Variants in RALGPS2 observed in about 807,000 individuals in gnomAD.
RALGPS2 encodes Ral GEF with PH domain and SH3 binding motif 2.
Under a neutral mutation model 86.8 loss-of-function variants are expected in RALGPS2, and 43 were observed. The ratio of observed to expected loss-of-function variants is 0.50; its 90% CI spans 0.39 to 0.64. The LOEUF is 0.64. Among genes scored for constraint, RALGPS2 ranks in the 30% least tolerant of loss-of-function variants. RALGPS2 has a pLI of 0.00. For missense variants in RALGPS2, 536 were observed against 694.6 expected, an observed-to-expected ratio of 0.77 and a Z score of 2.57; for synonymous variants, 243 against 231.3, an observed-to-expected ratio of 1.05 and a Z score of -0.46.
At chr1:178,808,173 A>C (rs1654825413) in intron 5 of RALGPS2, 45 bp downstream of exon 5, 1 of 1,237,080 alleles carries the variant, frequency 8.1e-7, no homozygotes, top group Non-Finnish European at 1.2e-6. Context: ...TCAGTTCCTC[A>C]ATATATACTT....
At chr1:178,783,517 T>TA (rs1174194016) in intron 2 of RALGPS2, among the ~76,000 whole-genome samples, 1 of 152,214 alleles carries the variant, frequency 6.6e-6, no homozygotes, top group Non-Finnish European at 1.5e-5. Context: ...CGTGGCTCGA[T>TA]ACTTCGTATT....
intron 1 of RALGPS2, among the ~76,000 whole-genome samples, chr1:178,772,762 A>G (rs561566096): frequency 6.6e-6 from 1 of 152,204 alleles, no homozygotes; most frequent in Non-Finnish European, 1.5e-5. Context: ...TATTGACTGA[A>G]GGCAAAACAA....
intron 16 of RALGPS2, among the ~76,000 whole-genome samples, chr1:178,897,251 C>T (rs1167672011): frequency 2.6e-5 from 4 of 151,978 alleles, no homozygotes; most frequent in Non-Finnish European, 5.9e-5. Flanking sequence ...CATCTCACAC[C>T]AGTTAGAATG....
chr1:178,867,728 A>G (rs1247808523), intron 8 of RALGPS2, among the ~76,000 whole-genome samples: 2 of 151,876 alleles, frequency 1.3e-5, no homozygotes, highest in Non-Finnish European at 2.9e-5. Flanking sequence ...TCATTTTTTT[A>G]CATCTCAGAC....
At chr1:178,859,724 A>G (rs1336261931) in intron 8 of RALGPS2, among the ~76,000 whole-genome samples, 112 of 88,866 alleles carry the variant, frequency 1.3e-3, no homozygotes, top group African/African-American at 4.4e-3. Context: ...TTTGAGACGG[A>G]GTCTCGCTCT....
intron 1 of RALGPS2, among the ~76,000 whole-genome samples, chr1:178,763,938 G>A (rs891614547): frequency 6.6e-6 from 1 of 151,862 alleles, no homozygotes; most frequent in Non-Finnish European, 1.5e-5. Context: ...TAAAGTATGT[G>A]CCTTGTTCAG....
At chr1:178,852,650 A>G (rs1657250752) in intron 8 of RALGPS2, 3 of 1,588,042 alleles carry the variant, frequency 1.9e-6, no homozygotes, top group South Asian at 2.3e-5. Flanking sequence ...GAAGGTGATG[A>G]TTCTACAAAG....
chr1:178,860,065 A>G (rs1024994617), intron 8 of RALGPS2, among the ~76,000 whole-genome samples: 5 of 152,072 alleles, frequency 3.3e-5, no homozygotes, highest in African/African-American at 1.2e-4. Flanking sequence ...GCTTTGCCAG[A>G]ATCCAAGTTT....
At chr1:178,839,571 G>A (rs927852901) in intron 8 of RALGPS2, among the ~76,000 whole-genome samples, 6 of 151,968 alleles carry the variant, frequency 3.9e-5, no homozygotes, top group South Asian at 2.1e-4. Context: ...CCAAATTGTA[G>A]AGACCATTGA....
At chr1:178,878,543 A>C (rs1252595742) in intron 9 of RALGPS2, among the ~76,000 whole-genome samples, 1 of 152,126 alleles carries the variant, frequency 6.6e-6, no homozygotes, top group African/African-American at 2.4e-5. Context: ...AGGGGAGGAG[A>C]TAAACCACAT....
Position 178,886,472 on chromosome 1 carries a change from A to G in RALGPS2, c.1192+352A>G, listed in dbSNP as rs546889162. Among the ~76,000 whole-genome samples the G allele has an allele frequency of 5.4e-4, 83 of 152,344 alleles. 1 individual carries two copies. Among genetic ancestry groups the G allele is most frequent in the South Asian group, 3.3e-3 (16 of 4,830 alleles). ...TAGTTAGATGATGATGCTATTACCA[A>G]GGTAGAGAAGACAGAGTAATAATCT... On this transcript the variant is annotated intron_variant, in intron 13 of 19. Coordinates refer to ENST00000367635, the MANE Select transcript of RALGPS2 (RefSeq NM_152663.5).
In RALGPS2 at chr1:178,873,748, T is replaced by C. The variant is rs191834450; in HGVS notation, c.608-3750T>C. On this transcript the variant is annotated intron_variant, in intron 8 of 19. Coordinates refer to ENST00000367635, the MANE Select transcript of RALGPS2 (RefSeq NM_152663.5). Reference sequence around the variant, plus strand: ...GAGTTACAATTGTCACACATTAGCTTGTTCTCATTATAAGGAATTACAGCA... The same window carrying C: ...GAGTTACAATTGTCACACATTAGCTCGTTCTCATTATAAGGAATTACAGCA... Among the ~76,000 whole-genome samples, 496 of 152,322 alleles carry C rather than the reference T, an allele frequency of 3.3e-3. 5 individuals carry two copies. Among genetic ancestry groups the C allele is most frequent in the African/African-American group, 0.011 (444 of 41,580 alleles).
intron 4 of RALGPS2, among the ~76,000 whole-genome samples, chr1:178,807,715 A>T (rs1169264842): frequency 6.6e-6 from 1 of 152,152 alleles, no homozygotes; most frequent in East Asian, 1.9e-4. Flanking sequence ...TGGGTGACTG[A>T]ATAGTCTTCA....
chr1:178,820,247 T>G (rs1035694046), intron 6 of RALGPS2, among the ~76,000 whole-genome samples: 1 of 152,232 alleles, frequency 6.6e-6, no homozygotes, highest in African/African-American at 2.4e-5. Flanking sequence ...ATCTCAGAAT[T>G]GCAGATAAAG....
intron 1 of RALGPS2, among the ~76,000 whole-genome samples, chr1:178,739,715 T>C (rs1459194904): frequency 6.6e-6 from 1 of 152,214 alleles, no homozygotes; most frequent in Non-Finnish European, 1.5e-5. Context: ...GTTTCCTTTC[T>C]TCAAGAGATC....
intron 8 of RALGPS2, among the ~76,000 whole-genome samples, chr1:178,864,303 A>G (rs75729230): frequency 1.3e-5 from 2 of 152,108 alleles, no homozygotes; most frequent in Admixed American, 1.3e-4. Flanking sequence ...ATGAACATTT[A>G]TATTTCTTAG....
chr1:178,777,124 CCA>C lies in RALGPS2; in HGVS notation c.57+304_57+305del, dbSNP rs1446707223. On this transcript the variant is annotated intron_variant, in intron 2 of 19. Coordinates refer to ENST00000367635, the MANE Select transcript of RALGPS2 (RefSeq NM_152663.5). ...CCCTCCCCCCACCCCACCACAATCC[CCA>C]GAGTGTGGTATTCCCCTTCCTGTGT... 2.2e-5 allele frequency among the ~76,000 whole-genome samples: 3 copies of C among 138,816 alleles called. No individual in the cohort carries two copies. In the East Asian group the frequency reaches 6.6e-4, roughly 31 times the overall value. The allele number at this position is 138,816 out of a possible 152,430, so 91.1% of individuals were successfully genotyped here. A position where few individuals can be genotyped will look rare whatever the true frequency, so the allele number is the denominator to read the frequency against.
Position 178,741,559 on chromosome 1 carries a change from A to G in RALGPS2, c.-84+16140A>G, listed in dbSNP as rs541769195. Among the ~76,000 whole-genome samples, 34 of 152,338 alleles carry G rather than the reference A, an allele frequency of 2.2e-4. No homozygotes were observed. In the South Asian group the frequency reaches 3.9e-3, roughly 18 times the overall value. ...CTAGAAACAAGATGTGATTCTTGGTAAAGTTCCTGTACTGTACATGAAGTG... is the reference window on the plus strand; with the variant it reads ...CTAGAAACAAGATGTGATTCTTGGTGAAGTTCCTGTACTGTACATGAAGTG... On this transcript the variant is annotated intron_variant, in intron 1 of 19. Coordinates refer to ENST00000367635, the MANE Select transcript of RALGPS2 (RefSeq NM_152663.5).
chr1:178,839,745 T>A (rs1056229530), intron 8 of RALGPS2, among the ~76,000 whole-genome samples: 10 of 152,174 alleles, frequency 6.6e-5, no homozygotes, highest in African/African-American at 2.4e-4. Context: ...GACCCATCAG[T>A]GTGCTGTATT....
Sources: gnomAD v4.1 joint callset for allele counts (sites outside exome capture counted in the v4.1 genomes callset) on GRCh38, gnomAD v4.1.1 for gene constraint, MANE v1.5 for transcripts, NCBI Gene and HGNC (gene_info 2026-07-23, HGNC 2026-07-21) for gene names.